The following ZNF565 variants were observed in gnomAD, a reference collection of about 807,000 sequenced individuals.
ZNF565 encodes the protein zinc finger protein 565.
A neutral mutation model predicts 39.4 loss-of-function variants in ZNF565; 27 were observed. The ratio of observed to expected loss-of-function variants is 0.69; its 90% confidence interval spans 0.51 to 0.95. The LOEUF (loss-of-function observed/expected upper bound fraction) is 0.95, where lower values mean the gene tolerates loss of function less well. Ranked by LOEUF, ZNF565 falls within the 40% of genes least tolerant of loss-of-function variation. The pLI is 0.00. For synonymous variants in ZNF565, 185 were observed against 216.6 expected (o/e 0.85, Z 1.28); for missense variants, 524 against 621.1 (o/e 0.84, Z 1.66).
rs1568429051 is a variant in ZNF565, at chr19:36,220,328, TACCTAA to T, written c.56-18284_56-18279del. On this transcript the variant is annotated intron_variant, in intron 1 of 4. Transcript: ENST00000355114. ...TTCACTTTAAATGGTATAGTATTTT[TACCTAA>T]TTTCTTAGCTCCTAGTTCTTTTTTT... 3.1e-3 allele frequency among the ~76,000 whole-genome samples: 461 copies of T among 149,374 alleles called. 16 individuals carry two copies. Among genetic ancestry groups the T allele is most frequent in the Middle Eastern group, 7.1e-3 (2 of 280 alleles).
chr19:36,192,961 C>A (rs1193993629), intron 4 of ZNF565, among the ~76,000 whole-genome samples: 1 of 150,462 alleles, frequency 6.6e-6, no homozygotes, highest in African/African-American at 2.5e-5. Flanking sequence ...GAATTACAGG[C>A]ACCCACAACC....
chr19:36,192,624 C>G (rs1975600535), intron 4 of ZNF565, among the ~76,000 whole-genome samples: 1 of 152,020 alleles, frequency 6.6e-6, no homozygotes, highest in Non-Finnish European at 1.5e-5. Flanking sequence ...ACCTGTAATC[C>G]TAGCTACTCA....
rs1361580530 is a variant in ZNF565, at chr19:36,183,708, A to G, written c.258T>C (p.Phe86=). 2 of 1,612,432 alleles carry G rather than the reference A, an allele frequency of 1.2e-6. No homozygotes were observed. The highest frequency in any genetic ancestry group is 1.7e-5 in the Admixed American group (1 of 59,716). ...CGATTTCAAAAATGTCTTTTTGTAG[A>G]AATTTCTCACACCTGGACTCCAAGT... is the stretch of plus-strand genomic sequence containing the variant. The part of the protein sequence containing the change: ...CPDLESRCEK[F]LQKDIFEIGA... The change falls in exon 5 of 5, where the codon TTT becomes TTC. Residue 86 remains phenylalanine (F), a synonymous_variant. Coordinates refer to ENST00000304116, the MANE Select transcript of ZNF565 (RefSeq NM_152477.5).
Position 36,230,465 on chromosome 19 carries a change from CCGG to C in ZNF565, c.55+15008_55+15010del, listed in dbSNP as rs879506266. On this transcript the variant is annotated intron_variant, in intron 1 of 4. Transcript: ENST00000355114. ...TGGAAAAGAATAAAGTAAGGGAAAA[CCGG>C]TATAGAGAGGGCTAGTTGGGGTTGT... 6.1e-3 allele frequency among the ~76,000 whole-genome samples: 921 copies of C among 152,128 alleles called. 9 individuals carry two copies. Among genetic ancestry groups the C allele is most frequent in the Non-Finnish European group, 8.8e-3 (601 of 67,996 alleles).
At chr19:36,214,382 T>A (rs952350944) in intron 1 of ZNF565, among the ~76,000 whole-genome samples, 3 of 151,952 alleles carry the variant, frequency 2.0e-5, no homozygotes, top group African/African-American at 7.3e-5. Context: ...ACACGCAGTA[T>A]CACCCCCGGT....
chr19:36,211,732 G>A (rs1230469433), intron 1 of ZNF565, among the ~76,000 whole-genome samples: 2 of 151,998 alleles, frequency 1.3e-5, no homozygotes, highest in East Asian at 3.9e-4. Flanking sequence ...GGCGGAGCTT[G>A]CAGTGAGCCG....
At chr19:36,233,929 GGGACGGTCA>G (rs1977520397) in intron 1 of ZNF565, among the ~76,000 whole-genome samples, 1 of 152,284 alleles carries the variant, frequency 6.6e-6, no homozygotes, top group South Asian at 2.1e-4. Context: ...GTCGGACTGG[GGGACGGTCA>G]GGTCTTTCCC....
chr19:36,199,801 C>T (rs575157521), intron 2 of ZNF565, among the ~76,000 whole-genome samples: 9 of 150,982 alleles, frequency 6.0e-5, no homozygotes, highest in Admixed American at 2.0e-4. Flanking sequence ...CAGGTGTGAG[C>T]CACCATGCCT....
chr19:36,236,974 C>T, intron 1 of ZNF565: 1 of 1,614,160 alleles, frequency 6.2e-7, no homozygotes, highest in Non-Finnish European at 8.5e-7. Flanking sequence ...AGAACATTCA[C>T]ACTGGAGAGA....
chr19:36,236,227 G>C, intron 1 of ZNF565: 1 of 527,366 alleles, frequency 1.9e-6, no homozygotes. Context: ...TTGAATATTA[G>C]AAAATTTTTC....
intron 1 of ZNF565, chr19:36,236,228 A>T: frequency 5.6e-6 from 3 of 531,918 alleles, no homozygotes; most frequent in Non-Finnish European, 9.3e-6. Flanking sequence ...TGAATATTAG[A>T]AAATTTTTCT....
upstream of ZNF565, among the ~76,000 whole-genome samples, chr19:36,216,515 G>C (rs1035206328): frequency 6.5e-5 from 9 of 137,466 alleles, no homozygotes; most frequent in African/African-American, 2.4e-4. Flanking sequence ...AAAATTAGCC[G>C]GGCGTGGTGG....
At chr19:36,230,625 C>T (rs998177851) in intron 1 of ZNF565, among the ~76,000 whole-genome samples, 1 of 152,110 alleles carries the variant, frequency 6.6e-6, no homozygotes, top group South Asian at 2.1e-4. Context: ...GTTAAAAGCC[C>T]TAAGTCAGGA....
At chr19:36,188,724 A>C (rs1394934832) in intron 4 of ZNF565, among the ~76,000 whole-genome samples, 8 of 151,864 alleles carry the variant, frequency 5.3e-5, no homozygotes, top group Non-Finnish European at 1.0e-4. Context: ...AAAAAAAAAA[A>C]AACAAAACAA....
At position 36,182,577 on chromosome 19, in the gene ZNF565, G is replaced by A. The variant is rs754246064; in HGVS notation, c.1389C>T (p.Thr463=). 1.1e-5 allele frequency: 17 copies of A among 1,613,850 alleles called. No individual in the cohort carries two copies. The highest frequency in any genetic ancestry group is 8.9e-5 in the East Asian group (4 of 44,890). The change falls in exon 5 of 5, where the codon ACC becomes ACT. Residue 463 remains threonine (T), a synonymous_variant. Coordinates refer to ENST00000304116, the MANE Select transcript of ZNF565 (RefSeq NM_152477.5). ...GMAFIRSSQL[T]EHQRIHPGIK... is the part of the protein sequence containing the mutation. ...TACCAGGATGAATTCTCTGATGTTC[G>A]GTAAGTTGTGAACTACGAATAAAGG...
Position 36,202,024 on chromosome 19 carries a change from AT to A in ZNF565, c.-40del. 1 of 1,613,874 alleles carries A rather than the reference AT, an allele frequency of 6.2e-7. No homozygotes were observed. Among genetic ancestry groups the A allele is most frequent in the Non-Finnish European group, 8.5e-7 (1 of 1,179,824 alleles). On this transcript the variant is annotated 5_prime_UTR_variant, in exon 2 of 5. Coordinates refer to ENST00000304116, the MANE Select transcript of ZNF565 (RefSeq NM_152477.5). ...ATTTGACCTGCTCTGATTTCTCTGG[AT>A]TCTTCTCTTGGACAAGTGCAGAGTC...
intron 2 of ZNF565, among the ~76,000 whole-genome samples, chr19:36,197,862 A>G (rs1038750771): frequency 1.3e-5 from 2 of 152,098 alleles, no homozygotes; most frequent in South Asian, 4.1e-4. Context: ...AAAGGAAATC[A>G]GTAGGCCAGG....
intron 4 of ZNF565, among the ~76,000 whole-genome samples, chr19:36,188,311 C>T (rs953770818): frequency 2.3e-4 from 34 of 147,664 alleles, no homozygotes; most frequent in African/African-American, 7.0e-4. Context: ...GCCAAGATCC[C>T]GCCACTGCAC....
chr19:36,202,852 T>G (rs890317812), intron 1 of ZNF565, among the ~76,000 whole-genome samples: 6 of 152,124 alleles, frequency 3.9e-5, no homozygotes, highest in African/African-American at 1.4e-4. Flanking sequence ...TACCATAGGC[T>G]CTGTCAATGT....
Sources: allele counts gnomAD v4.1 joint callset (sites outside exome capture counted in the v4.1 genomes callset), GRCh38; gene constraint gnomAD v4.1.1; transcripts MANE v1.5; gene names NCBI Gene and HGNC (gene_info 2026-07-23, HGNC 2026-07-21).